Variants in ABCC9 observed in about 807,000 individuals in gnomAD.
ABCC9 encodes the protein ATP binding cassette subfamily C member 9.
ABCC9 carries 95 observed loss-of-function variants against 188.3 expected under a neutral mutation model. The observed-to-expected ratio is 0.50, with a 90% CI of 0.43 to 0.60. The LOEUF is 0.60. ABCC9 is among the 20% of genes least tolerant of loss of function. ABCC9 has a pLI of 0.00. For synonymous variants in ABCC9, 659 were observed against 652.7 expected, an observed-to-expected ratio of 1.01 and a Z score of -0.15; for missense variants, 1,102 against 1,876.3, an observed-to-expected ratio of 0.59 and a Z score of 7.62.
In ABCC9 at chr12:21,882,802, A is replaced by T; in HGVS notation, c.1983T>A (p.Arg661=). The T allele has an allele frequency of 6.2e-7, 1 of 1,614,030 alleles. No homozygotes were observed. Among genetic ancestry groups the T allele is most frequent in the Non-Finnish European group, 8.5e-7 (1 of 1,179,898 alleles). Residue 661 remains arginine (R), a synonymous_variant, in exon 16 of 40, where the codon CGT becomes CGA. Coordinates refer to ENST00000261200, the MANE Select transcript of ABCC9 (RefSeq NM_020297.4). ...HLDSYEQSTR[R]LRPAETEDIA... ...TGTCCTCTGTTTCTGCGGGACGTAGACGCCGTGTTGATTGCTCATAGCTGT... is the reference window on the plus strand; with the variant it reads ...TGTCCTCTGTTTCTGCGGGACGTAGTCGCCGTGTTGATTGCTCATAGCTGT...
At chr12:21,867,439 A>G (rs2137546348) in intron 18 of ABCC9, among the ~76,000 whole-genome samples, 1 of 152,320 alleles carries the variant, frequency 6.6e-6, no homozygotes, top group African/African-American at 2.4e-5. Context: ...AAACCTCTCC[A>G]TGTAGAATTT....
chr12:21,817,162 A>G (rs1351817337), intron 33 of ABCC9, 25 bp downstream of exon 33: 2 of 1,609,244 alleles, frequency 1.2e-6, no homozygotes, highest in Non-Finnish European at 1.7e-6. Context: ...TATTTAAGTG[A>G]GACAAACAAT....
intron 5 of ABCC9, among the ~76,000 whole-genome samples, chr12:21,919,314 A>G (rs551823028): frequency 4.5e-4 from 68 of 152,206 alleles, no homozygotes; most frequent in African/African-American, 1.4e-3. Flanking sequence ...GAAGAACACA[A>G]AAACCAATAC....
intron 12 of ABCC9, among the ~76,000 whole-genome samples, chr12:21,896,844 A>C (rs903074409): frequency 6.6e-6 from 1 of 152,234 alleles, no homozygotes; most frequent in Admixed American, 6.5e-5. Flanking sequence ...GATTGATTCC[A>C]TGTCTTTGCT....
At chr12:21,912,380 T>C (rs1336065040) in intron 8 of ABCC9, among the ~76,000 whole-genome samples, 2 of 152,032 alleles carry the variant, frequency 1.3e-5, no homozygotes, top group Non-Finnish European at 2.9e-5. Flanking sequence ...ACATAATGTC[T>C]AATAAAATAT....
intron 12 of ABCC9, among the ~76,000 whole-genome samples, chr12:21,896,447 A>G (rs985094535): frequency 3.9e-5 from 6 of 152,016 alleles, no homozygotes; most frequent in African/African-American, 1.5e-4. Flanking sequence ...ACCCTATTAT[A>G]TTTTATTTTA....
In ABCC9 at chr12:21,815,812, A is replaced by C; in HGVS notation, c.3974T>G (p.Leu1325Arg). 1 of 1,613,500 alleles carries C rather than the reference A, an allele frequency of 6.2e-7. No homozygotes were observed. Among genetic ancestry groups the C allele is most frequent in the Non-Finnish European group, 8.5e-7 (1 of 1,179,708 alleles). ...HDLCVRYENNLKPVLKHVKAY... is the reference protein window; with the variant it reads ...HDLCVRYENNRKPVLKHVKAY... Reference sequence around the variant, plus strand: ...CTTGACGTGCTTAAGAACAGGTTTCAGATTATTTTCATATCTGACACACAG... The same window carrying C: ...CTTGACGTGCTTAAGAACAGGTTTCCGATTATTTTCATATCTGACACACAG... The change falls in exon 34 of 40, where the codon CTG becomes CGG. Residue 1325 changes from leucine to arginine, a missense_variant. By Grantham distance (102) the Leu-to-Arg change is moderately radical. This residue lies in a region of ABCC9 where 143 missense variants were observed against 225.6 expected (regional missense o/e 0.63). Coordinates refer to ENST00000261200, the MANE Select transcript of ABCC9 (RefSeq NM_020297.4).
At position 21,801,367 on chromosome 12, in the gene ABCC9, G is replaced by T. The variant is rs829062; in HGVS notation, c.4513-186C>A. 1.9e-3 allele frequency among the ~76,000 whole-genome samples: 286 copies of T among 152,178 alleles called. 3 individuals carry two copies. The highest frequency in any genetic ancestry group is 5.9e-3 in the African/African-American group (246 of 41,500). On this transcript the variant is annotated intron_variant, in intron 39 of 39. Transcript: ENST00000261200. ...TTATCATTTATTTACATATTTTTAA[G>T]CAATGGCCAATATGGCTGGGTTTTC...
At chr12:21,862,702 T>C (rs942178438) in intron 20 of ABCC9, among the ~76,000 whole-genome samples, 1 of 152,118 alleles carries the variant, frequency 6.6e-6, no homozygotes, top group Non-Finnish European at 1.5e-5. Flanking sequence ...CCCACACACA[T>C]ACACACTTCA....
intron 15 of ABCC9, among the ~76,000 whole-genome samples, chr12:21,883,132 C>G (rs1415809957): frequency 6.6e-6 from 1 of 152,060 alleles, no homozygotes; most frequent in Non-Finnish European, 1.5e-5. Context: ...GTACAGAGTC[C>G]CAAACTAAGT....
chr12:21,881,756 A>G (rs1038637803), intron 16 of ABCC9, among the ~76,000 whole-genome samples: 2 of 151,652 alleles, frequency 1.3e-5, no homozygotes, highest in Admixed American at 1.3e-4. Context: ...TTTGTAAGTG[A>G]TTCTAATGCA....
Position 21,800,989 on chromosome 12 carries a change from TA to T in ABCC9, c.*54del. The T allele has an allele frequency of 6.2e-7, 1 of 1,605,238 alleles. No individual in the cohort carries two copies. The highest frequency in any genetic ancestry group is 2.2e-5 in the East Asian group (1 of 44,770). ...TACAGAGGTCAAGCTGATGATCCATTAATTAGGTTATGACTGCATTATTTTA... is the reference window on the plus strand; with the variant it reads ...TACAGAGGTCAAGCTGATGATCCATTATTAGGTTATGACTGCATTATTTTA... On this transcript the variant is annotated 3_prime_UTR_variant, in exon 40 of 40. Transcript: ENST00000261200.
intron 34 of ABCC9, 121 bp downstream of exon 34, chr12:21,815,642 A>T (rs763461704): frequency 1.7e-6 from 2 of 1,206,424 alleles, no homozygotes; most frequent in Non-Finnish European, 2.4e-6. Context: ...AGATAATTTG[A>T]CCTACATCAG....
chr12:21,868,510 G>C (rs1235973838), intron 18 of ABCC9, among the ~76,000 whole-genome samples: 2 of 152,176 alleles, frequency 1.3e-5, no homozygotes, highest in South Asian at 4.2e-4. Context: ...ATGGTGGCAG[G>C]CACCTGTAGT....
intron 5 of ABCC9, among the ~76,000 whole-genome samples, chr12:21,918,763 A>C (rs1269406981): frequency 6.6e-6 from 1 of 151,974 alleles, no homozygotes; most frequent in Non-Finnish European, 1.5e-5. Flanking sequence ...CTGATTGGAG[A>C]CCTTCCTCCA....
chr12:21,803,214 G>T (rs1941587405), intron 39 of ABCC9, among the ~76,000 whole-genome samples: 1 of 151,962 alleles, frequency 6.6e-6, no homozygotes, highest in African/African-American at 2.4e-5. Context: ...AATAATATCT[G>T]CTGTGCATTT....
At chr12:21,935,929 A>G (rs1471975846) in intron 3 of ABCC9, among the ~76,000 whole-genome samples, 1 of 152,112 alleles carries the variant, frequency 6.6e-6, no homozygotes, top group Non-Finnish European at 1.5e-5. Context: ...TAATAGACAA[A>G]ACTGTATTGT....
At chr12:21,865,870 C>T (rs901244110) in intron 18 of ABCC9, among the ~76,000 whole-genome samples, 4 of 152,104 alleles carry the variant, frequency 2.6e-5, no homozygotes, top group African/African-American at 4.8e-5. Context: ...ACACCACTTT[C>T]ACTTTTGTGG....
Position 21,915,884 on chromosome 12 carries a change from C to T in ABCC9, c.600G>A (p.Gln200=). The T allele has an allele frequency of 1.2e-6, 2 of 1,613,078 alleles. No individual in the cohort carries two copies. The highest frequency in any genetic ancestry group is 2.7e-5 in the African/African-American group (2 of 74,898). The change falls in exon 7 of 40, where the codon CAG becomes CAA. Residue 200 remains glutamine (Q), a synonymous_variant. Coordinates refer to ENST00000261200, the MANE Select transcript of ABCC9 (RefSeq NM_020297.4). ...GGAGGTCTTCAGGAGGCTTTACTTT[C>T]TGAGGATTCATGAAAAATACATATC... The part of the protein sequence containing the change: ...VRRYVFFMNP[Q]KVKPPEDLQD...
Sources: allele counts gnomAD v4.1 joint callset (sites outside exome capture counted in the v4.1 genomes callset), GRCh38; gene constraint gnomAD v4.1.1; regional missense constraint gnomAD v4.1.1; transcripts MANE v1.5; gene names NCBI Gene and HGNC (gene_info 2026-07-23, HGNC 2026-07-21).